ZFYVE28: variants seen among roughly 807,000 people sequenced by gnomAD.
The protein encoded by ZFYVE28 is zinc finger FYVE-type containing 28, also known as lateral signaling target protein 2 homolog.
Under a neutral mutation model 82.1 loss-of-function variants are expected in ZFYVE28, and 40 were observed. The ratio of observed to expected loss-of-function variants is 0.49; its 90% CI spans 0.38 to 0.63. The LOEUF (loss-of-function observed/expected upper bound fraction) is 0.63, where lower values mean the gene tolerates loss of function less well. Among genes scored for constraint, ZFYVE28 ranks in the 30% least tolerant of loss-of-function variants. The probability of loss-of-function intolerance (pLI) is 0.00; values close to 1 mark genes in which losing one functional copy is unlikely to be tolerated. For missense variants in ZFYVE28, 1,321 were observed against 1,242.1 expected (o/e 1.06, Z -0.96); for synonymous variants, 612 against 546.1 (o/e 1.12, Z -1.68).
At chr4:2,349,770 T>C (rs11737589) in intron 2 of ZFYVE28, among the ~76,000 whole-genome samples, 19,138 of 151,740 alleles carry the variant, frequency 0.13, 1,447 homozygotes, top group East Asian at 0.21. Context: ...AAAAATAACA[T>C]GATAATCTCC....
intron 1 of ZFYVE28, chr4:2,364,994 C>T: frequency 1.3e-6 from 1 of 743,598 alleles, no homozygotes; most frequent in Non-Finnish European, 1.6e-6. Context: ...GCGGGGGTCA[C>T]TCCCTAGGCG....
Position 2,386,670 on chromosome 4 carries a change from C to T in ZFYVE28, c.39+31615G>A, listed in dbSNP as rs370614229. Among the ~76,000 whole-genome samples the T allele has an allele frequency of 9.5e-4, 144 of 152,326 alleles. 2 individuals carry two copies. The highest frequency in any genetic ancestry group is 3.4e-3 in the Middle Eastern group (1 of 294). On this transcript the variant is annotated intron_variant, in intron 1 of 12. Transcript: ENST00000290974. Reference sequence around the variant, plus strand: ...GACGCCTGGGGTCTCCAGAGTCCCTCCAGACAAGGAGGCCCTCACCAGACC... The same window carrying T: ...GACGCCTGGGGTCTCCAGAGTCCCTTCAGACAAGGAGGCCCTCACCAGACC...
intron 1 of ZFYVE28, among the ~76,000 whole-genome samples, chr4:2,413,428 CCA>C (rs990424156): frequency 1.3e-5 from 2 of 152,222 alleles, no homozygotes; most frequent in African/African-American, 4.8e-5. Flanking sequence ...ATTCAGAGAA[CCA>C]CACACAGCTG....
intron 12 of ZFYVE28, chr4:2,271,091 T>C: frequency 2.7e-6 from 2 of 743,424 alleles, no homozygotes; most frequent in South Asian, 3.7e-5. Context: ...TCTCTGTGGC[T>C]GGCTCTGCAG....
chr4:2,288,998 CT>C, intron 8 of ZFYVE28, among the ~76,000 whole-genome samples: 1 of 148,918 alleles, frequency 6.7e-6, no homozygotes, highest in East Asian at 2.0e-4. Flanking sequence ...AATAGGAGTG[CT>C]AAGGCTGGGC....
intron 8 of ZFYVE28, among the ~76,000 whole-genome samples, chr4:2,283,089 T>G (rs1351280237): frequency 1.1e-5 from 1 of 87,960 alleles, no homozygotes; most frequent in African/African-American, 5.9e-5. Context: ...GCTGGCTGCT[T>G]CTTGTAAAAG....
chr4:2,315,076 T>G (rs1718013674), intron 7 of ZFYVE28, among the ~76,000 whole-genome samples: 2 of 152,072 alleles, frequency 1.3e-5, no homozygotes, highest in South Asian at 4.1e-4. Context: ...GCACCTGGCC[T>G]CTCTAGCATT....
At chr4:2,355,046 G>A (rs979984530) in intron 1 of ZFYVE28, among the ~76,000 whole-genome samples, 2 of 151,000 alleles carry the variant, frequency 1.3e-5, no homozygotes, top group African/African-American at 2.4e-5. Context: ...CCCCAACCCC[G>A]CCTGGCCTCC....
intron 12 of ZFYVE28, 106 bp from the exon 13 acceptor site, chr4:2,270,962 G>A: frequency 6.7e-7 from 1 of 1,490,086 alleles, no homozygotes; most frequent in South Asian, 1.3e-5. Context: ...CGCATTGGTG[G>A]GTGGGGACTG....
Position 2,408,517 on chromosome 4 carries a change from G to T in ZFYVE28, c.39+9768C>A, listed in dbSNP as rs1187705207. Among the ~76,000 whole-genome samples the T allele has an allele frequency of 6.6e-6, 1 of 152,228 alleles. No homozygotes were observed. The highest frequency in any genetic ancestry group is 6.5e-5 in the Admixed American group (1 of 15,292). ...CTGCCTGACAGCTGCACCAGCCGGGGTGGACCAAAGGCCGCAGATGGTTCA... is the reference window on the plus strand; with the variant it reads ...CTGCCTGACAGCTGCACCAGCCGGGTTGGACCAAAGGCCGCAGATGGTTCA... On this transcript the variant is annotated intron_variant, in intron 1 of 12. Transcript: ENST00000290974. The surrounding 1 kb of genome is among the most constrained non-coding windows in gnomAD (Gnocchi z 4.3).
intron 8 of ZFYVE28, among the ~76,000 whole-genome samples, chr4:2,291,554 CT>C (rs1348106411): frequency 2.0e-5 from 3 of 152,196 alleles, no homozygotes; most frequent in African/African-American, 7.2e-5. Context: ...GGAAGTGGCC[CT>C]GAGTCCCCTC....
chr4:2,384,069 C>T (rs571499773), intron 1 of ZFYVE28, among the ~76,000 whole-genome samples: 9 of 152,164 alleles, frequency 5.9e-5, no homozygotes, highest in Admixed American at 1.3e-4. Context: ...GCACATGTCC[C>T]ACACAGGCAG....
chr4:2,364,248 A>G (rs1201592439), intron 1 of ZFYVE28, among the ~76,000 whole-genome samples: 1 of 152,136 alleles, frequency 6.6e-6, no homozygotes, highest in Non-Finnish European at 1.5e-5. Context: ...GCTGCAGACC[A>G]GGGCTCGGTG....
At chr4:2,318,734 G>T (rs1718611018) in intron 7 of ZFYVE28, among the ~76,000 whole-genome samples, 1 of 152,158 alleles carries the variant, frequency 6.6e-6, no homozygotes, top group South Asian at 2.1e-4. Context: ...GGCAGCAGAG[G>T]CACGTTCCAC....
At chr4:2,301,758 C>G (rs1041332131) in intron 8 of ZFYVE28, among the ~76,000 whole-genome samples, 5 of 152,144 alleles carry the variant, frequency 3.3e-5, no homozygotes, top group African/African-American at 1.2e-4. Context: ...ATGTCAAACT[C>G]GGAGAAAAAC....
At chr4:2,386,624 C>G (rs967473095) in intron 1 of ZFYVE28, among the ~76,000 whole-genome samples, 3 of 152,214 alleles carry the variant, frequency 2.0e-5, no homozygotes, top group African/African-American at 7.2e-5. Flanking sequence ...TCCTAAGCCC[C>G]CTAGCCACGT....
At chr4:2,281,970 T>C (rs1251926469) in intron 8 of ZFYVE28, among the ~76,000 whole-genome samples, 1 of 152,130 alleles carries the variant, frequency 6.6e-6, no homozygotes, top group African/African-American at 2.4e-5. Context: ...ACGGGTGAGA[T>C]ACAGCCACAG....
At position 2,271,407 on chromosome 4, in the gene ZFYVE28, C is replaced by CG; in HGVS notation, c.2435dup (p.Glu813GlyfsTer130). 6.2e-7 allele frequency: 1 copy of CG among 1,612,674 alleles called. No individual in the cohort carries two copies. The highest frequency in any genetic ancestry group is 8.5e-7 in the Non-Finnish European group (1 of 1,179,800). On this transcript the variant is annotated frameshift_variant, in exon 12 of 13. Coordinates refer to ENST00000290974, the MANE Select transcript of ZFYVE28 (RefSeq NM_020972.3). LOFTEE classifies it high-confidence loss of function. Reference sequence around the variant, plus strand: ...CACAGGCCTCGTCTGGCACCCACTCCGGGGGGTCTGTCACAACAACAGCAG... The same window carrying CG: ...CACAGGCCTCGTCTGGCACCCACTCCGGGGGGGTCTGTCACAACAACAGCAG...
chr4:2,277,079 C>T (rs553383675), intron 8 of ZFYVE28, among the ~76,000 whole-genome samples: 22 of 152,224 alleles, frequency 1.4e-4, no homozygotes, highest in Admixed American at 1.2e-3. Context: ...ATTGGCGTGG[C>T]GCCCGACACA....
Sources: allele counts gnomAD v4.1 joint callset (sites outside exome capture counted in the v4.1 genomes callset), GRCh38; gene constraint gnomAD v4.1.1; non-coding constraint Gnocchi (gnomAD v3.1); transcripts MANE v1.5; gene names NCBI Gene and HGNC (gene_info 2026-07-23, HGNC 2026-07-21).